The following PTGER3 variants were observed in gnomAD, a reference collection of about 807,000 sequenced individuals.
The protein encoded by PTGER3 is prostaglandin E2 receptor EP3 subtype.
In PTGER3, 22 loss-of-function variants were observed where a neutral mutation model predicts 34.7. The ratio of observed to expected loss-of-function variants is 0.63; its 90% CI spans 0.45 to 0.91. PTGER3 has a LOEUF of 0.91. Ranked by LOEUF, PTGER3 falls within the 40% of genes least tolerant of loss-of-function variation. The pLI is 0.00. For missense variants in PTGER3, 468 were observed against 519.4 expected, an observed-to-expected ratio of 0.90 and a Z score of 0.96; for synonymous variants, 241 against 230.1, an observed-to-expected ratio of 1.05 and a Z score of -0.43.
intron 4 of PTGER3, among the ~76,000 whole-genome samples, chr1:70,865,036 G>A (rs1197800040): frequency 6.6e-6 from 1 of 152,104 alleles, no homozygotes; most frequent in African/African-American, 2.4e-5. Context: ...GTGTCATGTG[G>A]AAAGAGTGAT....
Position 70,971,503 on chromosome 1 carries a change from C to G in PTGER3, c.*227G>C, listed in dbSNP as rs1653074434. ...GAAATTCTTCCCAACTTCTTAAATG[C>G]ATATTCAAAATCCCATCCAAGAAAC... On this transcript the variant is annotated 3_prime_UTR_variant, in exon 4 of 4. Transcript: ENST00000306666. 8.3e-7 allele frequency: 1 copy of G among 1,202,538 alleles called. No homozygotes were observed. The highest frequency in any genetic ancestry group is 4.1e-5 in the South Asian group (1 of 24,478). The allele number at this position is 1,202,538 out of a possible 1,614,324, so 74.5% of individuals were successfully genotyped here. A position where few individuals can be genotyped will look rare whatever the true frequency, so the allele number is the denominator to read the frequency against.
chr1:70,857,605 G>C (rs1191916912), intron 4 of PTGER3, among the ~76,000 whole-genome samples: 1 of 151,732 alleles, frequency 6.6e-6, no homozygotes, highest in Non-Finnish European at 1.5e-5. Flanking sequence ...GCATGATCTC[G>C]GCTCCCTGCA....
downstream of PTGER3, among the ~76,000 whole-genome samples, chr1:70,968,164 C>T (rs1243856481): frequency 1.3e-5 from 2 of 152,092 alleles, no homozygotes; most frequent in Non-Finnish European, 2.9e-5. Flanking sequence ...ACTAATGCTG[C>T]AATACAATGG....
chr1:70,955,399 C>G (rs1057086790), intron 2 of PTGER3, among the ~76,000 whole-genome samples: 6 of 152,030 alleles, frequency 3.9e-5, no homozygotes, highest in Non-Finnish European at 7.4e-5. Context: ...CTAGAAATAA[C>G]CTGATTCTTA....
chr1:71,005,466 G>A (rs536984421), intron 2 of PTGER3, among the ~76,000 whole-genome samples: 3 of 152,216 alleles, frequency 2.0e-5, no homozygotes, highest in African/African-American at 4.8e-5. Flanking sequence ...TTAGCATCAC[G>A]TTTCCATGTA....
rs370082229 is a variant in PTGER3 at position 70,907,926 on chromosome 1, C to T, written c.*23+45837G>A. Reference sequence around the variant, plus strand: ...TAGTGAGGGGAAATTCTCACTACTGCGGGCAGAGCTTCAAGAAGTACATCC... The same window carrying T: ...TAGTGAGGGGAAATTCTCACTACTGTGGGCAGAGCTTCAAGAAGTACATCC... On this transcript the variant is annotated intron_variant, in intron 4 of 4. Transcript: ENST00000370931. Among the ~76,000 whole-genome samples, 133 of 152,212 alleles carry T rather than the reference C, an allele frequency of 8.7e-4. No homozygotes were observed. In the South Asian group the frequency reaches 0.023, roughly 27 times the overall value.
chr1:70,905,626 C>T (rs1646930226), intron 4 of PTGER3, among the ~76,000 whole-genome samples: 1 of 151,972 alleles, frequency 6.6e-6, no homozygotes, highest in African/African-American at 2.4e-5. Flanking sequence ...CTTTGTTTGG[C>T]CAATTTGTTT....
At chr1:70,884,334 T>C (rs1646454394) in intron 4 of PTGER3, among the ~76,000 whole-genome samples, 1 of 152,206 alleles carries the variant, frequency 6.6e-6, no homozygotes, top group Non-Finnish European at 1.5e-5. Flanking sequence ...GGGAATATCA[T>C]GGGTAATAAC....
intron 2 of PTGER3, among the ~76,000 whole-genome samples, chr1:70,981,780 G>A (rs966227086): frequency 6.6e-6 from 1 of 151,780 alleles, no homozygotes; most frequent in Non-Finnish European, 1.5e-5. Flanking sequence ...ATTTCCTATG[G>A]TCCAAGGAAC....
intron 1 of PTGER3, among the ~76,000 whole-genome samples, chr1:71,023,088 C>T (rs891511432): frequency 2.6e-5 from 4 of 151,826 alleles, no homozygotes; most frequent in Non-Finnish European, 4.4e-5. Context: ...CCAGAAGTTA[C>T]AGCCAAATTT....
intron 1 of PTGER3, among the ~76,000 whole-genome samples, chr1:71,019,607 T>G (rs1294769548): frequency 6.6e-6 from 1 of 152,226 alleles, no homozygotes; most frequent in Non-Finnish European, 1.5e-5. Context: ...CTTTCCCCAG[T>G]GATAACGTTC....
intron 2 of PTGER3, among the ~76,000 whole-genome samples, chr1:70,963,576 C>A (rs1010406372): frequency 1.2e-4 from 19 of 152,190 alleles, no homozygotes; most frequent in Admixed American, 1.2e-3. Flanking sequence ...GGCCTGCGCC[C>A]TCCGAAGCCA....
rs1232968315 is a variant in PTGER3, at chr1:70,971,709, A to G, written c.*21T>C. On this transcript the variant is annotated 3_prime_UTR_variant, in exon 4 of 4. Coordinates refer to ENST00000306666, the MANE Select transcript of PTGER3 (RefSeq NM_198719.2). ...TCAGGGAAGCAGGAATTGCAATAAA[A>G]TGTCCAACTCCGTTCTTTCATTATC... is the stretch of plus-strand genomic sequence containing the variant. 6.4e-7 allele frequency: 1 copy of G among 1,562,930 alleles called. No individual in the cohort carries two copies. Among genetic ancestry groups the G allele is most frequent in the Non-Finnish European group, 8.7e-7 (1 of 1,154,152 alleles).
intron 4 of PTGER3, among the ~76,000 whole-genome samples, chr1:70,897,647 C>G (rs1165813824): frequency 6.6e-6 from 1 of 152,164 alleles, no homozygotes; most frequent in Non-Finnish European, 1.5e-5. Flanking sequence ...CTCATTTCTT[C>G]CAGTCCTCTT....
At chr1:71,003,276 C>T (rs761750404) in intron 2 of PTGER3, among the ~76,000 whole-genome samples, 14 of 152,164 alleles carry the variant, frequency 9.2e-5, no homozygotes, top group Non-Finnish European at 1.6e-4. Flanking sequence ...AATGGCAATG[C>T]ACAAATTTAG....
At chr1:70,930,039 G>A (rs1412108784) in intron 4 of PTGER3, among the ~76,000 whole-genome samples, 1 of 152,092 alleles carries the variant, frequency 6.6e-6, no homozygotes, top group African/African-American at 2.4e-5. Context: ...AAGCTAACAG[G>A]CAAATTACAT....
At chr1:71,003,707 C>CAT in intron 2 of PTGER3, among the ~76,000 whole-genome samples, 1 of 152,230 alleles carries the variant, frequency 6.6e-6, no homozygotes, top group East Asian at 1.9e-4. Context: ...CTGTTATGGA[C>CAT]ATATCGTTAG....
intron 2 of PTGER3, among the ~76,000 whole-genome samples, chr1:70,987,868 C>T (rs56089831): frequency 0.057 from 8,669 of 152,224 alleles, 438 homozygotes; most frequent in African/African-American, 0.13. Context: ...TCATTGATTA[C>T]ATATCTTTCA....
chr1:71,009,969 C>A (rs781746770), intron 2 of PTGER3: 54 of 985,024 alleles, frequency 5.5e-5, no homozygotes, highest in Non-Finnish European at 6.1e-5. Flanking sequence ...CCCATACTAA[C>A]GAATGCCTAG....
Sources: allele counts gnomAD v4.1 joint callset (sites outside exome capture counted in the v4.1 genomes callset), GRCh38; gene constraint gnomAD v4.1.1; transcripts MANE v1.5; gene names NCBI Gene and HGNC (gene_info 2026-07-23, HGNC 2026-07-21).